Variants in AUTS2 observed in about 807,000 individuals in gnomAD.
AUTS2 encodes the protein activator of transcription and developmental regulator AUTS2.
A neutral mutation model predicts 112.4 loss-of-function variants in AUTS2; 17 were observed. The observed-to-expected ratio is 0.15, with a 90% CI of 0.10 to 0.23. The LOEUF is 0.23. Among genes scored for constraint, AUTS2 ranks in the 10% least tolerant of loss-of-function variants. The pLI is 1.00. For synonymous variants in AUTS2, 751 were observed against 702.7 expected (o/e 1.07, Z -1.09); for missense variants, 1,510 against 1,701.6 (o/e 0.89, Z 1.98).
intron 4 of AUTS2, among the ~76,000 whole-genome samples, chr7:70,230,543 G>T (rs549305983): frequency 4.6e-5 from 7 of 152,334 alleles, no homozygotes; most frequent in African/African-American, 1.7e-4. Context: ...TGAATCAGCA[G>T]TCAGCCTATT....
At chr7:69,850,326 A>C (rs887506595) in intron 1 of AUTS2, among the ~76,000 whole-genome samples, 29 of 146,572 alleles carry the variant, frequency 2.0e-4, no homozygotes, top group Non-Finnish European at 3.7e-4. Context: ...AAAACAAAAA[A>C]ACCCGGAGGT....
intron 5 of AUTS2, among the ~76,000 whole-genome samples, chr7:70,639,697 C>A (rs1338769217): frequency 4.0e-5 from 6 of 149,936 alleles, no homozygotes; most frequent in Non-Finnish European, 8.9e-5. Flanking sequence ...GTCTTAGCTG[C>A]CTTAAGCACG....
At chr7:70,763,481 G>T in intron 7 of AUTS2, 140 bp downstream of exon 7, 1 of 665,380 alleles carries the variant, frequency 1.5e-6, no homozygotes, top group Non-Finnish European at 2.6e-6. Context: ...TAGAGACAGG[G>T]AATGGGGCTG....
chr7:69,641,583 C>T (rs996710963), intron 1 of AUTS2, among the ~76,000 whole-genome samples: 2 of 152,184 alleles, frequency 1.3e-5, no homozygotes, highest in African/African-American at 4.8e-5. Flanking sequence ...AAGCTACTCA[C>T]TTTAAGTAAA....
chr7:70,665,020 C>T (rs1328172343), intron 5 of AUTS2, among the ~76,000 whole-genome samples: 3 of 152,084 alleles, frequency 2.0e-5, no homozygotes, highest in Admixed American at 6.6e-5. Context: ...TTGTGTTGAG[C>T]TCTGATTGCA....
At chr7:70,481,593 T>G (rs1377247279) in intron 5 of AUTS2, among the ~76,000 whole-genome samples, 1 of 152,170 alleles carries the variant, frequency 6.6e-6, no homozygotes, top group African/African-American at 2.4e-5. Flanking sequence ...CTGCAGACCT[T>G]CAGATATTTA....
At chr7:70,210,904 G>T (rs1168330034) in intron 4 of AUTS2, among the ~76,000 whole-genome samples, 1 of 152,156 alleles carries the variant, frequency 6.6e-6, no homozygotes, top group Non-Finnish European at 1.5e-5. Flanking sequence ...GTCTCTTGGG[G>T]TTTCTTATCT....
chr7:70,408,358 T>C (rs924021262), intron 4 of AUTS2, among the ~76,000 whole-genome samples: 6 of 152,056 alleles, frequency 3.9e-5, no homozygotes, highest in African/African-American at 1.4e-4. Flanking sequence ...GAGAGGAAAC[T>C]CTTAAGCAGA....
Position 70,211,854 on chromosome 7 carries a change from C to T in AUTS2, c.660+77283C>T, listed in dbSNP as rs1236359287. Among the ~76,000 whole-genome samples, 9 of 143,864 alleles carry T rather than the reference C, an allele frequency of 6.3e-5. No individual in the cohort carries two copies. The East Asian group carries it at 6.5e-4, about 10-fold the overall frequency. The allele number at this position is 143,864 out of a possible 152,430, so 94.4% of individuals were successfully genotyped here. On this transcript the variant is annotated intron_variant, in intron 4 of 18. Transcript: ENST00000342771. ...ACAAAAAATTAGCGGGGCGTGATGG[C>T]GGGCGTCTGTAGTCCCAGCTACTCG...
chr7:70,304,928 T>G (rs990490956), intron 4 of AUTS2, among the ~76,000 whole-genome samples: 4 of 151,970 alleles, frequency 2.6e-5, no homozygotes, highest in African/African-American at 4.8e-5. Flanking sequence ...ATGCAGAAAA[T>G]TTCAAGAAAA....
chr7:70,120,905 AAG>A (rs1479068963), intron 3 of AUTS2, among the ~76,000 whole-genome samples: 2 of 152,166 alleles, frequency 1.3e-5, no homozygotes, highest in African/African-American at 4.8e-5. Flanking sequence ...AGTCTGGAAA[AAG>A]AGCAAAGTTA....
Position 70,312,576 on chromosome 7 carries a change from C to T in AUTS2, c.661-123176C>T, listed in dbSNP as rs537693894. Among the ~76,000 whole-genome samples the T allele has an allele frequency of 1.6e-4, 24 of 152,220 alleles. 2 individuals carry two copies. Among genetic ancestry groups the T allele is most frequent in the Middle Eastern group, 6.8e-3 (2 of 294 alleles). On this transcript the variant is annotated intron_variant, in intron 4 of 18. Coordinates refer to ENST00000342771, the MANE Select transcript of AUTS2 (RefSeq NM_015570.4). The stretch of plus-strand genomic sequence containing the variant: ...TGGGGTGGAGTTCTTTTTCTTTTCT[C>T]CACCAACACCCCTCACAATTAAAAT...
chr7:70,566,499 G>C (rs924570674), intron 5 of AUTS2, among the ~76,000 whole-genome samples: 4 of 151,998 alleles, frequency 2.6e-5, no homozygotes, highest in African/African-American at 9.7e-5. Flanking sequence ...ATCGGCCTTA[G>C]GAAAATGTTT....
At chr7:70,242,549 G>A (rs1259516962) in intron 4 of AUTS2, among the ~76,000 whole-genome samples, 5 of 152,158 alleles carry the variant, frequency 3.3e-5, no homozygotes, top group Non-Finnish European at 7.3e-5. Context: ...ACATGCAGTA[G>A]GCACTCAATT....
intron 4 of AUTS2, among the ~76,000 whole-genome samples, chr7:70,277,450 C>A (rs1286800191): frequency 6.6e-6 from 1 of 152,106 alleles, no homozygotes; most frequent in Admixed American, 6.6e-5. Flanking sequence ...GGATTTTAAT[C>A]TTGACTCTTA....
At chr7:70,014,221 C>A (rs1371187427) in intron 2 of AUTS2, among the ~76,000 whole-genome samples, 1 of 152,180 alleles carries the variant, frequency 6.6e-6, no homozygotes, top group Non-Finnish European at 1.5e-5. Flanking sequence ...TTGAGGCCTG[C>A]ACTCACTTCT....
chr7:70,052,424 A>G (rs764804481), intron 2 of AUTS2, among the ~76,000 whole-genome samples: 21 of 152,144 alleles, frequency 1.4e-4, no homozygotes, highest in Non-Finnish European at 3.1e-4. Flanking sequence ...ATGGTATTGT[A>G]TCCATTTTAG....
At chr7:70,664,201 C>T (rs1807216608) in intron 5 of AUTS2, among the ~76,000 whole-genome samples, 1 of 152,188 alleles carries the variant, frequency 6.6e-6, no homozygotes, top group African/African-American at 2.4e-5. Flanking sequence ...CATTCGAAAC[C>T]TACCTTATCC....
chr7:69,862,050 C>A lies in AUTS2; in HGVS notation c.310-37236C>A, dbSNP rs560274752. ...GTAATTCTCAATTTGGGGCACCTGC[C>A]GTGAACATTAAAGATGGTATCCTTT... On this transcript the variant is annotated intron_variant, in intron 1 of 18. Coordinates refer to ENST00000342771, the MANE Select transcript of AUTS2 (RefSeq NM_015570.4). 9.2e-5 allele frequency among the ~76,000 whole-genome samples: 14 copies of A among 152,216 alleles called. 1 individual carries two copies. The South Asian group carries it at 2.9e-3, about 32-fold the overall frequency.
Sources: allele counts gnomAD v4.1 joint callset (sites outside exome capture counted in the v4.1 genomes callset), GRCh38; gene constraint gnomAD v4.1.1; transcripts MANE v1.5; gene names NCBI Gene and HGNC (gene_info 2026-07-23, HGNC 2026-07-21).